KRT77: variants seen among roughly 807,000 people sequenced by gnomAD.
The protein encoded by KRT77 is keratin, type II cytoskeletal 1b.
A neutral mutation model predicts 51.5 loss-of-function variants in KRT77; 44 were observed. The ratio of observed to expected loss-of-function variants is 0.85; its 90% CI spans 0.67 to 1.10. The LOEUF is 1.10. KRT77 is among the 50% of genes least tolerant of loss of function. The pLI, the probability that KRT77 is intolerant of heterozygous loss-of-function variation, is 0.00. For synonymous variants in KRT77, 293 were observed against 302.0 expected (o/e 0.97, Z 0.31); for missense variants, 763 against 743.9 (o/e 1.03, Z -0.30).
Position 52,690,852 on chromosome 12 carries a change from A to C in KRT77, c.*313T>G. 2 of 493,108 alleles carry C rather than the reference A, an allele frequency of 4.1e-6. No homozygotes were observed. The highest frequency in any genetic ancestry group is 3.9e-5 in the East Asian group (1 of 25,662). The allele number at this position is 493,108 out of a possible 1,614,324, so 30.5% of individuals were successfully genotyped here. ...TCACGCAGCCTCTGCCTCTAACTGG[A>C]ATGTTTGTGCTCACCCTGGGCTACC... On this transcript the variant is annotated 3_prime_UTR_variant, in exon 9 of 9. Transcript: ENST00000341809.
chr12:52,691,383 C>A lies in KRT77; in HGVS notation c.1519G>T (p.Gly507Cys). The A allele has an allele frequency of 6.2e-7, 1 of 1,602,164 alleles. No individual in the cohort carries two copies. The highest frequency in any genetic ancestry group is 1.1e-5 in the South Asian group (1 of 90,562). ...NGGAGGGGSY[G>C]SGGYGGGSGG... ...CTGCCGCCGCCGTAGCCTCCTGAGC[C>A]GTAGCTGCCGCCGCCTCCCGCGCCG... Residue 507 changes from glycine (G) to cysteine (C), a missense_variant, in exon 9 of 9, where the codon GGC becomes TGC. Transcript: ENST00000341809.
intron 2 of KRT77, 22 bp from the exon 3 acceptor site, chr12:52,696,452 C>T (rs1317215941): frequency 1.2e-6 from 2 of 1,610,024 alleles, no homozygotes; most frequent in Non-Finnish European, 1.7e-6. Context: ...GGCAAAGGAG[C>T]ACAGAAAGGC....
In KRT77 at chr12:52,690,779, CT is replaced by C; in HGVS notation, c.*385del. 2.8e-6 allele frequency: 1 copy of C among 355,242 alleles called. No homozygotes were observed. The highest frequency in any genetic ancestry group is 2.7e-5 in the South Asian group (1 of 36,876). 22.0% of individuals were successfully genotyped at this position (355,242 alleles called of 1,614,324 possible). ...TGAACTGGGGCATAAGGGCATTCTA[CT>C]TGGAGGCAGAGGAATGATAACAATG... is the stretch of plus-strand genomic sequence containing the variant. On this transcript the variant is annotated 3_prime_UTR_variant, in exon 9 of 9. Transcript: ENST00000341809.
intron 7 of KRT77, 70 bp downstream of exon 7, chr12:52,692,351 A>G: frequency 6.5e-7 from 1 of 1,549,124 alleles, no homozygotes; most frequent in Non-Finnish European, 8.8e-7. Flanking sequence ...CTTTTCTCCA[A>G]ATAGCCAGTC....
At chr12:52,701,315 A>G (rs1206964633) in intron 1 of KRT77, among the ~76,000 whole-genome samples, 1 of 152,208 alleles carries the variant, frequency 6.6e-6, no homozygotes, top group Non-Finnish European at 1.5e-5. Flanking sequence ...GCATGATCGG[A>G]AGCCACGGGA....
intron 4 of KRT77, chr12:52,695,202 A>G (rs1941776740): frequency 6.2e-6 from 1 of 162,392 alleles, no homozygotes. Flanking sequence ...TTGACTAGCT[A>G]GGTAATGAAG....
At chr12:52,695,985 T>C (rs1343053277) in intron 3 of KRT77, 118 bp from the exon 4 acceptor site, 3 of 699,290 alleles carry the variant, frequency 4.3e-6, no homozygotes, top group Non-Finnish European at 7.7e-6. Flanking sequence ...ACTTAAAAAA[T>C]TCATCACCGC....
intron 7 of KRT77, 76 bp downstream of exon 7, chr12:52,692,345 T>C: frequency 1.3e-6 from 2 of 1,525,150 alleles, no homozygotes; most frequent in Non-Finnish European, 1.8e-6. Flanking sequence ...GCTTATCTTT[T>C]CTCCAAATAG....
chr12:52,697,745 T>C lies in KRT77; in HGVS notation c.695A>G (p.Glu232Gly), dbSNP rs559934133. 8.7e-6 allele frequency: 14 copies of C among 1,614,126 alleles called. No homozygotes were observed. In the Admixed American group the frequency reaches 1.0e-4, roughly 12 times the overall value. ...LRRQVDLLSA[E>G]QMRQNAEVRS... ...GACCTCCGCGTTCTGGCGCATCTGC[T>C]CCGCACTGAGCAAATCCACCTGCCT... Residue 232 changes from glutamate (E) to glycine (G), a missense_variant, in exon 2 of 9, where the codon GAG (glutamate) becomes GGG (glycine). Coordinates refer to ENST00000341809, the MANE Select transcript of KRT77 (RefSeq NM_175078.3).
chr12:52,692,866 C>A lies in KRT77; in HGVS notation c.1095G>T (p.Gln365His). 1 of 1,604,038 alleles carries A rather than the reference C, an allele frequency of 6.2e-7. No individual in the cohort carries two copies. The highest frequency in any genetic ancestry group is 1.3e-5 in the African/African-American group (1 of 74,848). Reference sequence around the variant, plus strand: ...CGTCTCCATGTCTCCCTGCCGTGATCTGGAGCTCCTGGTACTGGGGCCAAA... The same window carrying A: ...CGTCTCCATGTCTCCCTGCCGTGATATGGAGCTCCTGGTACTGGGGCCAAA... ...ALYQTKYQEL[Q>H]ITAGRHGDDL... Residue 365 changes from glutamine to histidine, a missense_variant, in exon 6 of 9, where the codon CAG (glutamine) becomes CAT (histidine). Physicochemically the swap from Gln to His is conservative, Grantham distance 24 (BLOSUM62 0). Coordinates refer to ENST00000341809, the MANE Select transcript of KRT77 (RefSeq NM_175078.3).
Position 52,692,547 on chromosome 12 carries a change from G to A in KRT77, c.1301C>T (p.Ala434Val), listed in dbSNP as rs779218101. The change falls in exon 7 of 9, where the codon GCC becomes GTC. Residue 434 changes from alanine (A) to valine (V), a missense_variant. Coordinates refer to ENST00000341809, the MANE Select transcript of KRT77 (RefSeq NM_175078.3). ...AWQKLQDLEEALQQSKEELAR... is the reference protein window; with the variant it reads ...AWQKLQDLEEVLQQSKEELAR... ...CAGCTCCTCCTTGGACTGCTGCAGG[G>A]CCTCCTCCAGGTCCTGCAGCTTCTG... is the stretch of plus-strand genomic sequence containing the variant. 1.9e-6 allele frequency: 3 copies of A among 1,604,924 alleles called. No individual in the cohort carries two copies. The highest frequency in any genetic ancestry group is 8.5e-7 in the Non-Finnish European group (1 of 1,172,018).
At chr12:52,700,075 G>A (rs1324113479) in intron 1 of KRT77, among the ~76,000 whole-genome samples, 1 of 152,154 alleles carries the variant, frequency 6.6e-6, no homozygotes, top group African/African-American at 2.4e-5. Flanking sequence ...TCCTTTCTGA[G>A]GCCCTGTCCC....
chr12:52,698,339 T>A, intron 1 of KRT77: 1 of 461,126 alleles, frequency 2.2e-6, no homozygotes, highest in Non-Finnish European at 4.3e-6. Context: ...CTTAGAACAT[T>A]AAACTAATTC....
At position 52,691,273 on chromosome 12, in the gene KRT77, G is replaced by A. The variant is rs772860182; in HGVS notation, c.1629C>T (p.Gly543=). The change falls in exon 9 of 9, where the codon GGC becomes GGT. Residue 543 remains glycine, a synonymous_variant. Coordinates refer to ENST00000341809, the MANE Select transcript of KRT77 (RefSeq NM_175078.3). ...RSGGGYGSGC[G]GGGGSYGGSG... ...TCCCTCCGTAGCTCCCGCCACCGCC[G>A]CCGCAGCCGCTGCCATAACCGCCTC... is the stretch of plus-strand genomic sequence containing the variant. The A allele has an allele frequency of 4.4e-6, 7 of 1,597,764 alleles. No individual in the cohort carries two copies. The highest frequency in any genetic ancestry group is 4.5e-5 in the East Asian group (2 of 43,976).
In KRT77 at chr12:52,692,528, C is replaced by G. The variant is rs1941728229; in HGVS notation, c.1320G>C (p.Glu440Asp). Reference sequence around the variant, plus strand: ...AGTCACGCAGCAGCCGGGCCAGCTCCTCCTTGGACTGCTGCAGGGCCTCCT... The same window carrying G: ...AGTCACGCAGCAGCCGGGCCAGCTCGTCCTTGGACTGCTGCAGGGCCTCCT... Reference protein sequence around the residue: ...DLEEALQQSKEELARLLRDYQ... With the variant: ...DLEEALQQSKDELARLLRDYQ... Residue 440 changes from glutamate (E) to aspartate (D), a missense_variant, in exon 7 of 9, where the codon GAG (glutamate) becomes GAC (aspartate). Transcript: ENST00000341809. The G allele has an allele frequency of 1.2e-6, 2 of 1,613,956 alleles. No homozygotes were observed. The highest frequency in any genetic ancestry group is 1.7e-6 in the Non-Finnish European group (2 of 1,180,012).
At chr12:52,692,005 C>T in intron 7 of KRT77, 33 bp from the exon 8 acceptor site, 1 of 1,612,816 alleles carries the variant, frequency 6.2e-7, no homozygotes, top group Non-Finnish European at 8.5e-7. Flanking sequence ...CAGCCAGACC[C>T]ACAGGGCCTG....
chr12:52,694,443 T>C (rs539480970), intron 5 of KRT77, among the ~76,000 whole-genome samples, 183 bp downstream of exon 5: 3 of 152,320 alleles, frequency 2.0e-5, no homozygotes, highest in African/African-American at 7.2e-5. Context: ...AAAGAACTGG[T>C]AGAAGAGATA....
At chr12:52,692,113 G>T in intron 7 of KRT77, 141 bp from the exon 8 acceptor site, 1 of 911,634 alleles carries the variant, frequency 1.1e-6, no homozygotes, top group Non-Finnish European at 1.7e-6. Context: ...AGCCAGTGGG[G>T]CAGAGAGAAA....
Position 52,694,617 on chromosome 12 carries a change from C to A in KRT77, c.1080+9G>T. The A allele has an allele frequency of 6.3e-7, 1 of 1,584,558 alleles. No individual in the cohort carries two copies. Among genetic ancestry groups the A allele is most frequent in the Non-Finnish European group, 8.6e-7 (1 of 1,161,714 alleles). On this transcript the variant is annotated intron_variant, in intron 5 of 8. Coordinates refer to ENST00000341809, the MANE Select transcript of KRT77 (RefSeq NM_175078.3). ...TTTTCTGGGCACCAGATCTGGGGGC[C>A]ACGCCCACCTTGGTCTGGTACAGGG...
Sources: gnomAD v4.1 joint callset for allele counts (sites outside exome capture counted in the v4.1 genomes callset) on GRCh38, gnomAD v4.1.1 for gene constraint, MANE v1.5 for transcripts, NCBI Gene and HGNC (gene_info 2026-07-23, HGNC 2026-07-21) for gene names.